PPP1R3F: variants seen among roughly 807,000 people sequenced by gnomAD.
PPP1R3F encodes protein phosphatase 1, regulatory (inhibitor) subunit 3F.
Under a neutral mutation model 24.2 loss-of-function variants are expected in PPP1R3F, and 29 were observed. The observed-to-expected ratio is 1.20, with a 90% CI of 0.89 to 1.63. PPP1R3F has a LOEUF of 1.63. PPP1R3F is among the 40% of genes most tolerant of loss of function. The pLI, the probability that PPP1R3F is intolerant of heterozygous loss-of-function variation, is 0.00. For missense variants in PPP1R3F, 823 were observed against 729.3 expected (o/e 1.13, Z -1.48); for synonymous variants, 363 against 340.1 (o/e 1.07, Z -0.74).
At chrX:49,273,332 G>A (rs2066192938) in intron 1 of PPP1R3F, 1 of 112,060 alleles carries the variant, frequency 8.9e-6, no homozygotes, top group South Asian at 3.7e-4. Flanking sequence ...GCAGGGCCAA[G>A]GTGGGTGGAG....
intron 1 of PPP1R3F, chrX:49,274,331 C>G (rs1470929305): frequency 9.0e-6 from 1 of 111,491 alleles, no homozygotes; most frequent in Non-Finnish European, 1.9e-5. Context: ...CTTCAAGCAC[C>G]CTCCCATCCC....
At chrX:49,297,415 C>T (rs184381622) in intron 3 of PPP1R3F, among the ~76,000 whole-genome samples, 50 of 109,747 alleles carry the variant, frequency 4.6e-4, no homozygotes, top group Non-Finnish European at 8.0e-4. Flanking sequence ...GGGGTTTCAC[C>T]GTGTTAGCCA....
At chrX:49,295,364 G>A (rs1479365311) in intron 3 of PPP1R3F, among the ~76,000 whole-genome samples, 1 of 110,785 alleles carries the variant, frequency 9.0e-6, no homozygotes, top group Non-Finnish European at 1.9e-5. Context: ...GGCTCATCTC[G>A]AACTCCTGGG....
downstream of PPP1R3F, among the ~76,000 whole-genome samples, chrX:49,289,974 C>T (rs1312159365): frequency 1.8e-5 from 2 of 110,926 alleles, no homozygotes; most frequent in Admixed American, 1.9e-4. Flanking sequence ...GAGGCTGAGG[C>T]GGGAGAATCA....
intron 1 of PPP1R3F, among the ~76,000 whole-genome samples, chrX:49,278,344 C>G (rs1402923151): frequency 8.9e-6 from 1 of 112,147 alleles, no homozygotes; most frequent in African/African-American, 3.2e-5. Context: ...TTTAGAAGAT[C>G]CTAGGAGGAG....
downstream of PPP1R3F, among the ~76,000 whole-genome samples, chrX:49,289,460 A>G (rs1271150176): frequency 2.7e-5 from 3 of 111,713 alleles, no homozygotes; most frequent in African/African-American, 6.5e-5. Flanking sequence ...AGAATGGAAT[A>G]TTGTATAATG....
Position 49,295,782 on chromosome X carries a change from CT to C in PPP1R3F, c.393-5557del, listed in dbSNP as rs35908140. On this transcript the variant is annotated intron_variant, in intron 3 of 3. Coordinates refer to the PPP1R3F transcript ENST00000471261. ...TTTATCTTCTTCTTTTTAAAAAAGA[CT>C]TTTTTTTTTTTAAAGAGCAGTTTTA... Among the ~76,000 whole-genome samples, 113 of 102,461 alleles carry C rather than the reference CT, an allele frequency of 1.1e-3. 1 individual carries two copies. The highest frequency in any genetic ancestry group is 5.5e-3 in the South Asian group (13 of 2,353). The allele number at this position is 102,461 out of a possible 115,157, so 89.0% of individuals were successfully genotyped here.
chrX:49,300,477 GTTTTTTTTTTTTTT>G lies in PPP1R3F; in HGVS notation c.393-857_393-844del, dbSNP rs35140303. On this transcript the variant is annotated intron_variant, in intron 3 of 3. Coordinates refer to the PPP1R3F transcript ENST00000471261. ...ATTTGGCCATCTTGCTATTGCTGCT[GTTTTTTTTTTTTTT>G]TTTTTTTTTTTTTTTTAAGACAGAG... Among the ~76,000 whole-genome samples, 180 of 70,330 alleles carry G rather than the reference GTTTTTTTTTTTTTT, an allele frequency of 2.6e-3. 2 individuals carry two copies. The South Asian group carries it at 0.028, about 11-fold the overall frequency. The allele number at this position is 70,330 out of a possible 115,157, so 61.1% of individuals were successfully genotyped here.
chrX:49,278,203 G>A (rs1307121677), intron 1 of PPP1R3F, among the ~76,000 whole-genome samples: 1 of 112,033 alleles, frequency 8.9e-6, no homozygotes, highest in Non-Finnish European at 1.9e-5. Flanking sequence ...TATGACTGCA[G>A]TGGCTTTTAG....
chrX:49,300,427 G>A (rs782243893), intron 3 of PPP1R3F, among the ~76,000 whole-genome samples: 3 of 108,648 alleles, frequency 2.8e-5, no homozygotes, highest in East Asian at 5.8e-4. Context: ...GATCTCACTG[G>A]GAGCTGCAGA....
At chrX:49,294,248 C>G in intron 3 of PPP1R3F, among the ~76,000 whole-genome samples, 1 of 108,633 alleles carries the variant, frequency 9.2e-6, no homozygotes, top group Non-Finnish European at 1.9e-5. Flanking sequence ...CCCTCACCCA[C>G]GCAACACTCC....
rs1440838431 is a variant in PPP1R3F at position 49,276,929 on chromosome X, C to T, written c.1005-4477C>T. Among the ~76,000 whole-genome samples the T allele has an allele frequency of 5.3e-5, 6 of 112,382 alleles. 1 individual carries two copies. The highest frequency in any genetic ancestry group is 4.7e-4 in the Admixed American group (5 of 10,637). ...AGGTTTCTGAAGCCACTCATCCCCC[C>T]GGAAAGTCAGCGTTATCTTCAGGTT... On this transcript the variant is annotated intron_variant, in intron 1 of 3. Coordinates refer to ENST00000055335, the MANE Select transcript of PPP1R3F (RefSeq NM_033215.5).
rs2066163158 is a variant in PPP1R3F at position 49,270,149 on chromosome X, G to A, written c.280G>A (p.Glu94Lys). The A allele has an allele frequency of 3.7e-6, 4 of 1,079,525 alleles. No individual in the cohort carries two copies. The highest frequency in any genetic ancestry group is 3.8e-5 in the East Asian group (1 of 26,407). 89.0% of individuals were successfully genotyped at this position (1,079,525 alleles called of 1,213,427 possible). A position where few individuals can be genotyped will look rare whatever the true frequency, so the allele number is the denominator to read the frequency against. The change falls in exon 1 of 4, where the codon GAA becomes AAA. Residue 94 changes from glutamate (E) to lysine (K), a missense_variant. By Grantham distance (56) the Glu-to-Lys change is moderately conservative (BLOSUM62 1). Transcript: ENST00000055335. ...DGEDGDEGEE[E>K]EEACPEPSPL... ...CGAGGATGGGGATGAAGGGGAGGAG[G>A]AAGAGGAGGCTTGCCCCGAGCCCTC...
chrX:49,271,083 A>G (rs1048321601), intron 1 of PPP1R3F, among the ~76,000 whole-genome samples: 9 of 112,149 alleles, frequency 8.0e-5, no homozygotes, highest in Non-Finnish European at 1.7e-4. Context: ...TTCCACTGTA[A>G]AGCCCTGAAC....
downstream of PPP1R3F, among the ~76,000 whole-genome samples, chrX:49,292,584 C>T (rs924045700): frequency 2.7e-5 from 3 of 112,809 alleles, no homozygotes; most frequent in Admixed American, 9.3e-5. Flanking sequence ...CTGCCAGCTC[C>T]GCCTCCACCC....
Position 49,270,457 on chromosome X carries a change from G to A in PPP1R3F, c.588G>A (p.Ala196=), listed in dbSNP as rs1312278500. The change falls in exon 1 of 4, where the codon GCG becomes GCA. Residue 196 remains alanine, a synonymous_variant. Transcript: ENST00000055335. The part of the protein sequence containing the change: ...DGWASFCDHP[A]RYVPRSPPWA... ...GGGCTTCCTTTTGCGACCACCCAGCGCGCTACGTCCCGCGCAGCCCGCCGT... is the reference window on the plus strand; with the variant it reads ...GGGCTTCCTTTTGCGACCACCCAGCACGCTACGTCCCGCGCAGCCCGCCGT... 8 of 1,200,443 alleles carry A rather than the reference G, an allele frequency of 6.7e-6. No homozygotes were observed. The highest frequency in any genetic ancestry group is 7.8e-6 in the Non-Finnish European group (7 of 894,003).
chrX:49,287,111 A>C lies in PPP1R3F; in HGVS notation c.*21A>C. The C allele has an allele frequency of 8.3e-7, 1 of 1,201,527 alleles. No individual in the cohort carries two copies. Among genetic ancestry groups the C allele is most frequent in the Non-Finnish European group, 1.1e-6 (1 of 889,936 alleles). On this transcript the variant is annotated 3_prime_UTR_variant, in exon 4 of 4. Transcript: ENST00000055335. ...CATAGGCTCTGCTTGTGGGATCAGC[A>C]GAGGCTTAAGATGGGATACATGGCC...
At chrX:49,282,443 CTGTGTGTGTGTGTGTGTGTGTG>C (rs545507997) in intron 3 of PPP1R3F, among the ~76,000 whole-genome samples, 3 of 73,950 alleles carry the variant, frequency 4.1e-5, no homozygotes, top group Admixed American at 1.6e-4. Flanking sequence ...GTGAGAGACT[CTGTGTGTGTGTGTGTGTGTGTG>C]TGTGTGTGTG....
chrX:49,294,771 G>A (rs1309407751), intron 3 of PPP1R3F, among the ~76,000 whole-genome samples: 3 of 108,820 alleles, frequency 2.8e-5, no homozygotes, highest in Admixed American at 9.8e-5. Flanking sequence ...TTAGCCAGGC[G>A]TGGTGGCAGG....
Sources: gnomAD v4.1 joint callset for allele counts (sites outside exome capture counted in the v4.1 genomes callset) on GRCh38, gnomAD v4.1.1 for gene constraint, MANE v1.5 for transcripts, NCBI Gene and HGNC (gene_info 2026-07-23, HGNC 2026-07-21) for gene names.